Variants in ANKH observed in about 807,000 individuals in gnomAD.
ANKH encodes the protein mineralization regulator ANKH.
In ANKH, 15 loss-of-function variants were observed where a neutral mutation model predicts 49.0. The ratio of observed to expected loss-of-function variants is 0.31; its 90% confidence interval spans 0.20 to 0.47. ANKH has a LOEUF of 0.47. ANKH is among the 20% of genes least tolerant of loss of function. The pLI is 1.00. For synonymous variants in ANKH, 273 were observed against 260.0 expected, an observed-to-expected ratio of 1.05 and a Z score of -0.48; for missense variants, 429 against 652.0, an observed-to-expected ratio of 0.66 and a Z score of 3.72.
At chr5:14,798,277 A>G (rs1740454051) in intron 1 of ANKH, 1 of 1,603,344 alleles carries the variant, frequency 6.2e-7, no homozygotes, top group Non-Finnish European at 8.5e-7. Context: ...AGGCTGGGCC[A>G]CTCCAGAGCA....
intron 1 of ANKH, among the ~76,000 whole-genome samples, chr5:14,859,544 C>A (rs1451651086): frequency 6.6e-6 from 1 of 152,146 alleles, no homozygotes; most frequent in Non-Finnish European, 1.5e-5. Context: ...CTAAAATACT[C>A]AATATTAGGC....
At chr5:14,805,966 C>T (rs146644872) in intron 1 of ANKH, among the ~76,000 whole-genome samples, 93 of 152,090 alleles carry the variant, frequency 6.1e-4, no homozygotes, top group African/African-American at 2.0e-3. Context: ...TGTTTTGAGG[C>T]GATACATATA....
chr5:14,738,090 C>T (rs1293308491), intron 8 of ANKH, among the ~76,000 whole-genome samples: 1 of 152,198 alleles, frequency 6.6e-6, no homozygotes, highest in Non-Finnish European at 1.5e-5. Context: ...TTTCTTAAAA[C>T]CCAGTGATCA....
chr5:14,840,644 T>C (rs1002182961), intron 1 of ANKH, among the ~76,000 whole-genome samples: 1 of 152,196 alleles, frequency 6.6e-6, no homozygotes, highest in African/African-American at 2.4e-5. Flanking sequence ...CATAAGGTGG[T>C]TTCTAGAAAT....
intron 1 of ANKH, among the ~76,000 whole-genome samples, chr5:14,793,045 T>TAA (rs1740242551): frequency 2.3e-5 from 1 of 44,028 alleles, no homozygotes; most frequent in Non-Finnish European, 4.4e-5. Flanking sequence ...AAAATATATA[T>TAA]ATAAATATAT....
intron 7 of ANKH, among the ~76,000 whole-genome samples, chr5:14,743,162 A>C (rs889405588): frequency 1.3e-5 from 2 of 152,174 alleles, no homozygotes; most frequent in African/African-American, 2.4e-5. Context: ...TCTCTAAAAC[A>C]TATCTGTTTT....
intron 1 of ANKH, among the ~76,000 whole-genome samples, chr5:14,830,148 C>A (rs1021667044): frequency 6.6e-6 from 1 of 152,156 alleles, no homozygotes; most frequent in Non-Finnish European, 1.5e-5. Context: ...TGGACGACTA[C>A]GAAGCAAGAA....
At chr5:14,818,462 T>C (rs1741102666) in intron 1 of ANKH, among the ~76,000 whole-genome samples, 1 of 151,684 alleles carries the variant, frequency 6.6e-6, no homozygotes, top group African/African-American at 2.4e-5. Context: ...GCCAACATGG[T>C]GAACCCCTAT....
At chr5:14,803,812 T>A (rs982882618) in intron 1 of ANKH, among the ~76,000 whole-genome samples, 9 of 152,204 alleles carry the variant, frequency 5.9e-5, no homozygotes, top group Non-Finnish European at 1.0e-4. Context: ...ATAACTATCA[T>A]GTGTTACTGG....
chr5:14,796,453 TA>T (rs56898794), intron 1 of ANKH, among the ~76,000 whole-genome samples: 84,726 of 128,486 alleles, frequency 0.66, 26,284 homozygotes, highest in East Asian at 0.83. Flanking sequence ...GGTCCCAAGT[TA>T]AAAAAAAAAA....
At chr5:14,820,070 A>G (rs1374637956) in intron 1 of ANKH, among the ~76,000 whole-genome samples, 1 of 152,222 alleles carries the variant, frequency 6.6e-6, no homozygotes, top group Non-Finnish European at 1.5e-5. Flanking sequence ...TTCAGACTAG[A>G]GAAACCAGTA....
At chr5:14,786,573 C>A (rs950109316) in intron 1 of ANKH, among the ~76,000 whole-genome samples, 7 of 152,134 alleles carry the variant, frequency 4.6e-5, no homozygotes, top group African/African-American at 1.7e-4. Context: ...TCACAGGGCA[C>A]AGACACATCA....
chr5:14,745,039 A>C lies in ANKH; in HGVS notation c.915+831T>G, dbSNP rs560296720. 3.3e-5 allele frequency among the ~76,000 whole-genome samples: 5 copies of C among 152,280 alleles called. No homozygotes were observed. The highest frequency in any genetic ancestry group is 5.9e-5 in the Non-Finnish European group (4 of 68,020). ...CCAGGAGGCTTCCTCTCCTCACTTC[A>C]CAGGCTCTGGCTGGGATAAGACAGT... is the stretch of plus-strand genomic sequence containing the variant. On this transcript the variant is annotated intron_variant, in intron 7 of 11. Transcript: ENST00000284268. The surrounding 1 kb of genome is among the most constrained non-coding windows in gnomAD (Gnocchi z 4.7).
chr5:14,782,510 A>C (rs1739839515), intron 1 of ANKH, among the ~76,000 whole-genome samples: 1 of 152,226 alleles, frequency 6.6e-6, no homozygotes, highest in Non-Finnish European at 1.5e-5. Context: ...ATTAGAGATT[A>C]TAGTTGATGC....
At chr5:14,849,790 T>C (rs1742074905) in intron 1 of ANKH, among the ~76,000 whole-genome samples, 1 of 152,200 alleles carries the variant, frequency 6.6e-6, no homozygotes, top group Admixed American at 6.5e-5. Flanking sequence ...TTAAGTCACA[T>C]TGTCATCCAG....
chr5:14,835,668 A>G (rs1741631254), intron 1 of ANKH, among the ~76,000 whole-genome samples: 1 of 152,170 alleles, frequency 6.6e-6, no homozygotes, highest in African/African-American at 2.4e-5. Flanking sequence ...GTCTTCTGAC[A>G]AAATCACAGC....
At chr5:14,828,246 C>T (rs566110736) in intron 1 of ANKH, among the ~76,000 whole-genome samples, 1 of 152,270 alleles carries the variant, frequency 6.6e-6, no homozygotes, top group Non-Finnish European at 1.5e-5. Flanking sequence ...AATCCCAGCA[C>T]TTTGGGAGGC....
intron 1 of ANKH, among the ~76,000 whole-genome samples, chr5:14,807,135 G>A (rs1196533697): frequency 7.1e-6 from 1 of 139,880 alleles, no homozygotes; most frequent in Non-Finnish European, 1.5e-5. Context: ...TTTTTTTTGA[G>A]GTAGGGCCTC....
chr5:14,867,098 A>C (rs989168253), intron 1 of ANKH, among the ~76,000 whole-genome samples: 3 of 147,758 alleles, frequency 2.0e-5, no homozygotes, highest in Admixed American at 1.4e-4. Flanking sequence ...TGGTGGCTGC[A>C]TTGAGCCAAG....
Sources: gnomAD v4.1 joint callset for allele counts (sites outside exome capture counted in the v4.1 genomes callset) on GRCh38, gnomAD v4.1.1 for gene constraint, Gnocchi (gnomAD v3.1) non-coding constraint, MANE v1.5 for transcripts, NCBI Gene and HGNC (gene_info 2026-07-23, HGNC 2026-07-21) for gene names.